Variants in CCDC7 observed in about 807,000 individuals in gnomAD.
The protein encoded by CCDC7 is coiled-coil domain containing 7.
In CCDC7, 183 loss-of-function variants were observed where a neutral mutation model predicts 196.9. The observed-to-expected ratio is 0.93, with a 90% confidence interval of 0.82 to 1.05. CCDC7 has a LOEUF of 1.05. Among genes scored for constraint, CCDC7 ranks in the 50% least tolerant of loss-of-function variants. CCDC7 has a pLI of 0.00. For missense variants in CCDC7, 1,540 were observed against 1,482.2 expected, an observed-to-expected ratio of 1.04 and a Z score of -0.64; for synonymous variants, 525 against 484.6, an observed-to-expected ratio of 1.08 and a Z score of -1.10.
chr10:32,609,058 G>A (rs1290402678), intron 18 of CCDC7, among the ~76,000 whole-genome samples: 1 of 152,166 alleles, frequency 6.6e-6, no homozygotes, highest in Non-Finnish European at 1.5e-5. Context: ...AAAATGTTCC[G>A]TGTCCTGGTG....
chr10:32,683,915 G>A (rs1037967093), intron 21 of CCDC7, among the ~76,000 whole-genome samples: 2 of 152,292 alleles, frequency 1.3e-5, no homozygotes, highest in Middle Eastern at 3.4e-3. Context: ...TTTATGGCAC[G>A]TGTTGCATGT....
At chr10:32,683,162 A>AT (rs1329308235) in intron 21 of CCDC7, among the ~76,000 whole-genome samples, 2 of 152,024 alleles carry the variant, frequency 1.3e-5, no homozygotes, top group Non-Finnish European at 2.9e-5. Flanking sequence ...TCTTGAGTTT[A>AT]TTTTTTTATG....
At chr10:32,507,894 T>C (rs550119794) in intron 9 of CCDC7, among the ~76,000 whole-genome samples, 4 of 152,348 alleles carry the variant, frequency 2.6e-5, no homozygotes, top group East Asian at 3.9e-4. Flanking sequence ...AAAAAGGCCA[T>C]ATTAGCCTAC....
At chr10:32,740,783 GT>G (rs1400928605) in intron 28 of CCDC7, among the ~76,000 whole-genome samples, 1 of 151,444 alleles carries the variant, frequency 6.6e-6, no homozygotes, top group Non-Finnish European at 1.5e-5. Context: ...TTATCTTTGT[GT>G]TTTCTATTTT....
intron 25 of CCDC7, among the ~76,000 whole-genome samples, chr10:32,725,089 C>CA (rs1420784684): frequency 6.6e-6 from 1 of 152,074 alleles, no homozygotes; most frequent in African/African-American, 2.4e-5. Flanking sequence ...CATATGCATG[C>CA]ATGTGTACAT....
intron 11 of CCDC7, among the ~76,000 whole-genome samples, chr10:32,538,411 A>G (rs1244701526): frequency 1.3e-5 from 2 of 152,168 alleles, no homozygotes; most frequent in African/African-American, 2.4e-5. Flanking sequence ...TTTTCTAGAT[A>G]TAGAATCATG....
intron 28 of CCDC7, among the ~76,000 whole-genome samples, chr10:32,742,068 G>C (rs2085947079): frequency 6.6e-6 from 1 of 152,114 alleles, no homozygotes; most frequent in Non-Finnish European, 1.5e-5. Flanking sequence ...CATATAGTTA[G>C]AATTTTTTGT....
intron 20 of CCDC7, among the ~76,000 whole-genome samples, chr10:32,637,904 A>C (rs188554776): frequency 0.1 from 15,945 of 151,976 alleles, 1,023 homozygotes; most frequent in South Asian, 0.25. Context: ...CTTTTATTTC[A>C]TCGAGCAGTG....
At chr10:32,663,583 C>A (rs1591305881) in intron 20 of CCDC7, among the ~76,000 whole-genome samples, 3 of 151,978 alleles carry the variant, frequency 2.0e-5, no homozygotes, top group African/African-American at 7.2e-5. Context: ...CTTTTTATTA[C>A]TTTTAGAGCT....
At chr10:32,873,145 T>A (rs1194869509) in intron 41 of CCDC7, among the ~76,000 whole-genome samples, 2 of 152,184 alleles carry the variant, frequency 1.3e-5, no homozygotes, top group African/African-American at 2.4e-5. Flanking sequence ...TCCAACTTGG[T>A]TCCATTCTCC....
At chr10:32,584,181 T>C (rs1355481102) in intron 17 of CCDC7, 51 bp from the exon 19 acceptor site, 1 of 932,314 alleles carries the variant, frequency 1.1e-6, no homozygotes, top group Admixed American at 3.0e-5. Context: ...TCTTGATATA[T>C]ATATATATGT....
chr10:32,729,898 G>GT (rs966021531), intron 28 of CCDC7, among the ~76,000 whole-genome samples: 3 of 151,472 alleles, frequency 2.0e-5, no homozygotes, highest in Non-Finnish European at 2.9e-5. Context: ...TGCTTGATAC[G>GT]TTTTTTTCAT....
chr10:32,825,839 C>A (rs1015423698), intron 32 of CCDC7, among the ~76,000 whole-genome samples: 2 of 152,160 alleles, frequency 1.3e-5, no homozygotes, highest in African/African-American at 4.8e-5. Flanking sequence ...CAGGTGTCTA[C>A]TGTTAAAGTG....
At chr10:32,518,353 C>T (rs1228703199) in intron 10 of CCDC7, 63 bp from the exon 12 acceptor site, 1 of 1,451,658 alleles carries the variant, frequency 6.9e-7, no homozygotes, top group Non-Finnish European at 9.1e-7. Context: ...AATTAAATAT[C>T]TGAATAACCT....
chr10:32,484,515 C>G (rs1412404197), intron 8 of CCDC7, among the ~76,000 whole-genome samples: 6 of 152,104 alleles, frequency 3.9e-5, no homozygotes, highest in Non-Finnish European at 7.4e-5. Context: ...TTGCCGTGGC[C>G]AGAACTTCCA....
chr10:32,763,355 CAT>C (rs1183498010), intron 28 of CCDC7, among the ~76,000 whole-genome samples: 2 of 151,988 alleles, frequency 1.3e-5, no homozygotes, highest in South Asian at 4.2e-4. Context: ...AAAAACATAA[CAT>C]ATGTTGGTGA....
At position 32,584,316 on chromosome 10, in the gene CCDC7, C is replaced by T; in HGVS notation, c.1801+12C>T. 2.6e-6 allele frequency: 4 copies of T among 1,556,830 alleles called. No homozygotes were observed. The highest frequency in any genetic ancestry group is 3.5e-6 in the Non-Finnish European group (4 of 1,133,346). On this transcript the variant is annotated intron_variant, in intron 18 of 41. Coordinates refer to ENST00000639629, the Ensembl canonical transcript of CCDC7. ...AGAAAAATCTCAAGGTAAAAAGACT[C>T]TGTTTTGGAAGATGAAAATGTGATT... is the stretch of plus-strand genomic sequence containing the variant.
At chr10:32,843,708 T>C (rs2093118678) in intron 33 of CCDC7, among the ~76,000 whole-genome samples, 1 of 152,016 alleles carries the variant, frequency 6.6e-6, no homozygotes, top group African/African-American at 2.4e-5. Flanking sequence ...TCTGCTTATC[T>C]AAGAATCTTT....
chr10:32,816,301 G>A (rs2088520869), intron 31 of CCDC7, among the ~76,000 whole-genome samples: 1 of 152,178 alleles, frequency 6.6e-6, no homozygotes, highest in Admixed American at 6.5e-5. Flanking sequence ...GGGTGCCTGC[G>A]ATTGCTGAGG....
Sources: allele counts gnomAD v4.1 joint callset (sites outside exome capture counted in the v4.1 genomes callset), GRCh38; gene constraint gnomAD v4.1.1; transcripts MANE v1.5; gene names NCBI Gene and HGNC (gene_info 2026-07-23, HGNC 2026-07-21).